Variants in RAPGEF6 observed in about 807,000 individuals in gnomAD.
The protein encoded by RAPGEF6 is Rap guanine nucleotide exchange factor 6.
Under a neutral mutation model 171.4 loss-of-function variants are expected in RAPGEF6, and 56 were observed. The ratio of observed to expected loss-of-function variants is 0.33; its 90% CI spans 0.26 to 0.41. The LOEUF is 0.41. Ranked by LOEUF, RAPGEF6 falls within the 10% of genes least tolerant of loss-of-function variation. RAPGEF6 has a pLI of 1.00. For synonymous variants in RAPGEF6, 692 were observed against 650.1 expected, an observed-to-expected ratio of 1.06 and a Z score of -0.98; for missense variants, 1,674 against 1,921.4, an observed-to-expected ratio of 0.87 and a Z score of 2.41.
intron 16 of RAPGEF6, 136 bp downstream of exon 16, chr5:131,479,377 T>A (rs1225738429): frequency 2.4e-6 from 2 of 844,156 alleles, no homozygotes; most frequent in African/African-American, 3.4e-5. Context: ...GTATTCTTAT[T>A]TGAGTACTGT....
intron 4 of RAPGEF6, among the ~76,000 whole-genome samples, chr5:131,580,580 C>T (rs897825802): frequency 6.6e-6 from 1 of 152,210 alleles, no homozygotes; most frequent in Admixed American, 6.5e-5. Flanking sequence ...GTTGTCACCT[C>T]TCACGGTGAA....
rs1409105615 is a variant in RAPGEF6 at position 131,517,284 on chromosome 5, T to G, written c.627+4106A>C. Among the ~76,000 whole-genome samples the G allele has an allele frequency of 2.0e-5, 3 of 152,044 alleles. No individual in the cohort carries two copies. The East Asian group carries it at 5.8e-4, about 29-fold the overall frequency. Reference sequence around the variant, plus strand: ...ATCTAAAATAAAAGTTGAAATTATTTTTAAAAATTGGGGAGACATCCATTT... The same window carrying G: ...ATCTAAAATAAAAGTTGAAATTATTGTTAAAAATTGGGGAGACATCCATTT... On this transcript the variant is annotated intron_variant, in intron 7 of 27. Coordinates refer to ENST00000509018, the MANE Select transcript of RAPGEF6 (RefSeq NM_016340.6).
chr5:131,433,084 G>A (rs747891023), intron 25 of RAPGEF6, among the ~76,000 whole-genome samples: 3 of 152,052 alleles, frequency 2.0e-5, no homozygotes, highest in African/African-American at 7.2e-5. Flanking sequence ...CACAGCACTC[G>A]AGGCACTTTC....
intron 24 of RAPGEF6, chr5:131,436,410 A>G (rs1752008706): frequency 2.6e-6 from 4 of 1,509,680 alleles, no homozygotes; most frequent in African/African-American, 1.4e-5. Flanking sequence ...AAACCCTGAC[A>G]TGGTCAATCA....
intron 4 of RAPGEF6, among the ~76,000 whole-genome samples, chr5:131,580,916 C>T (rs973170230): frequency 6.6e-6 from 1 of 152,172 alleles, no homozygotes; most frequent in Non-Finnish European, 1.5e-5. Context: ...TGGGAATGAA[C>T]AACTGCCTGT....
In RAPGEF6 at chr5:131,489,628, A is replaced by T. The variant is rs776000387; in HGVS notation, c.1758T>A (p.Phe586Leu). 2 of 1,586,424 alleles carry T rather than the reference A, an allele frequency of 1.3e-6. No individual in the cohort carries two copies. Among genetic ancestry groups the T allele is most frequent in the Non-Finnish European group, 8.6e-7 (1 of 1,160,938 alleles). The change falls in exon 15 of 28, where the codon TTT becomes TTA. Residue 586 changes from phenylalanine (F) to leucine (L), a missense_variant. Around this residue, in one of 3 missense-constraint regions of RAPGEF6, gnomAD observed 1,116 missense variants for 1,321.5 expected, o/e 0.84. Coordinates refer to ENST00000509018, the MANE Select transcript of RAPGEF6 (RefSeq NM_016340.6). ...DQIMEVNGQN[F>L]ENITFMKAVE... Reference sequence around the variant, plus strand: ...CGGCTTTCATAAATGTAATATTCTCAAAGTTTTGTCCATTTACTTCCATAA... The same window carrying T: ...CGGCTTTCATAAATGTAATATTCTCTAAGTTTTGTCCATTTACTTCCATAA...
chr5:131,559,006 T>C (rs1173852858), intron 5 of RAPGEF6, among the ~76,000 whole-genome samples: 1 of 152,148 alleles, frequency 6.6e-6, no homozygotes, highest in African/African-American at 2.4e-5. Flanking sequence ...CTCATGGTGG[T>C]TGTTTTGTCA....
chr5:131,596,917 G>A, intron 3 of RAPGEF6, among the ~76,000 whole-genome samples: 1 of 152,156 alleles, frequency 6.6e-6, no homozygotes, highest in Non-Finnish European at 1.5e-5. Flanking sequence ...AAAAGTTTTT[G>A]CGCAGCAAAG....
intron 4 of RAPGEF6, among the ~76,000 whole-genome samples, chr5:131,576,658 T>C (rs1277109603): frequency 6.6e-6 from 1 of 152,204 alleles, no homozygotes; most frequent in Non-Finnish European, 1.5e-5. Flanking sequence ...CATCTGTCCC[T>C]CACGACCAGT....
At chr5:131,498,386 AG>A (rs759389194) in intron 12 of RAPGEF6, 56 bp downstream of exon 12, 79 of 1,481,708 alleles carry the variant, frequency 5.3e-5, no homozygotes, top group Non-Finnish European at 6.9e-5. Context: ...CAACTATAAA[AG>A]TTTCATGAAT....
At chr5:131,449,420 T>C (rs376963120) in intron 21 of RAPGEF6, among the ~76,000 whole-genome samples, 12 of 152,334 alleles carry the variant, frequency 7.9e-5, no homozygotes, top group East Asian at 1.9e-4. Context: ...AGTTCAATTT[T>C]ATAGTACAGC....
chr5:131,577,952 C>G (rs991581074), intron 4 of RAPGEF6, among the ~76,000 whole-genome samples: 79 of 152,298 alleles, frequency 5.2e-4, no homozygotes, highest in African/African-American at 1.9e-3. Context: ...GACTGCACCC[C>G]AAAAACTTGT....
chr5:131,440,247 C>A (rs1176752739), intron 23 of RAPGEF6: 4 of 455,976 alleles, frequency 8.8e-6, no homozygotes, highest in Non-Finnish European at 1.8e-5. Flanking sequence ...GAGAAGTAAA[C>A]AACAGAAAAA....
At chr5:131,525,806 A>C (rs1193434277) in intron 6 of RAPGEF6, among the ~76,000 whole-genome samples, 1 of 152,188 alleles carries the variant, frequency 6.6e-6, no homozygotes, top group Non-Finnish European at 1.5e-5. Flanking sequence ...AAGACCAAGG[A>C]GAAGAATGTC....
intron 1 of RAPGEF6, among the ~76,000 whole-genome samples, chr5:131,630,159 C>T (rs565791209): frequency 6.6e-6 from 1 of 152,312 alleles, no homozygotes; most frequent in East Asian, 1.9e-4. Context: ...ACAGCCACCC[C>T]AATCTTCGGC....
chr5:131,618,917 T>C (rs901288771), intron 1 of RAPGEF6, among the ~76,000 whole-genome samples: 5 of 152,048 alleles, frequency 3.3e-5, no homozygotes, highest in African/African-American at 1.2e-4. Context: ...GACCACCACC[T>C]ATGCAGTTTC....
At chr5:131,509,946 G>C (rs1005245066) in intron 8 of RAPGEF6, among the ~76,000 whole-genome samples, 2 of 152,134 alleles carry the variant, frequency 1.3e-5, no homozygotes, top group Non-Finnish European at 2.9e-5. Flanking sequence ...CTTACTTAGG[G>C]GGAAGCCTAA....
At chr5:131,545,533 A>G (rs529613277) in intron 6 of RAPGEF6, among the ~76,000 whole-genome samples, 21 of 152,212 alleles carry the variant, frequency 1.4e-4, no homozygotes, top group Non-Finnish European at 2.6e-4. Context: ...AAAGGCCATT[A>G]AACCAATTCT....
At chr5:131,497,404 T>C (rs1230622313) in intron 12 of RAPGEF6, among the ~76,000 whole-genome samples, 1 of 152,220 alleles carries the variant, frequency 6.6e-6, no homozygotes, top group African/African-American at 2.4e-5. Context: ...TGCTTGTGCT[T>C]GGGTATCATA....
Sources: gnomAD v4.1 joint callset for allele counts (sites outside exome capture counted in the v4.1 genomes callset) on GRCh38, gnomAD v4.1.1 for gene constraint, gnomAD v4.1.1 regional missense constraint, MANE v1.5 for transcripts, NCBI Gene and HGNC (gene_info 2026-07-23, HGNC 2026-07-21) for gene names.